The following KLHL1 variants were observed in gnomAD, a reference collection of about 807,000 sequenced individuals.
KLHL1 encodes kelch like family member 1, also known as kelch-like protein 1.
KLHL1 carries 47 observed loss-of-function variants against 77.7 expected under a neutral mutation model. The ratio of observed to expected loss-of-function variants is 0.60; its 90% confidence interval spans 0.48 to 0.77. The LOEUF (loss-of-function observed/expected upper bound fraction) is 0.77, where lower values mean the gene tolerates loss of function less well. KLHL1 is among the 30% of genes least tolerant of loss of function. The pLI, the probability that KLHL1 is intolerant of heterozygous loss-of-function variation, is 0.00. For missense variants in KLHL1, 925 were observed against 910.8 expected, an observed-to-expected ratio of 1.02 and a Z score of -0.20; for synonymous variants, 360 against 325.2, an observed-to-expected ratio of 1.11 and a Z score of -1.15.
At chr13:69,803,724 C>A (rs955730124) in intron 6 of KLHL1, among the ~76,000 whole-genome samples, 6 of 152,110 alleles carry the variant, frequency 3.9e-5, no homozygotes, top group Non-Finnish European at 5.9e-5. Flanking sequence ...GAAGCATGAG[C>A]AGGACTTGAC....
chr13:70,100,628 T>C (rs1008335468), intron 1 of KLHL1, among the ~76,000 whole-genome samples: 1 of 152,198 alleles, frequency 6.6e-6, no homozygotes, highest in Non-Finnish European at 1.5e-5. Context: ...GCCTTTTTAG[T>C]GCAACAGGAT....
chr13:69,817,808 G>T (rs778720790), intron 6 of KLHL1, among the ~76,000 whole-genome samples: 1 of 152,110 alleles, frequency 6.6e-6, no homozygotes, highest in Non-Finnish European at 1.5e-5. Context: ...GAGTACTCAA[G>T]AATTTATAAT....
Position 69,723,840 on chromosome 13 carries a change from A to ATTTTTTT in KLHL1, c.1803-4266_1803-4260dup, listed in dbSNP as rs746350927. Among the ~76,000 whole-genome samples the ATTTTTTT allele has an allele frequency of 2.9e-3, 169 of 58,316 alleles. 2 individuals are homozygous for ATTTTTTT. Among genetic ancestry groups the ATTTTTTT allele is most frequent in the East Asian group, 7.4e-3 (1 of 136 alleles). 38.3% of individuals were successfully genotyped at this position (58,316 alleles called of 152,430 possible). A position where few individuals can be genotyped will look rare whatever the true frequency, so the allele number is the denominator to read the frequency against. On this transcript the variant is annotated intron_variant, in intron 8 of 10. Coordinates refer to ENST00000377844, the MANE Select transcript of KLHL1 (RefSeq NM_020866.3). ...CTCTTTCAGCCAGTTGCCAGTCAGA[A>ATTTTTTT]TTTTTTTTTTTTTTTTTTCTGAGAC...
intron 1 of KLHL1, among the ~76,000 whole-genome samples, chr13:70,015,620 G>T (rs145872706): frequency 1.8e-4 from 27 of 152,136 alleles, no homozygotes; most frequent in African/African-American, 6.0e-4. Context: ...ATGAGATGTT[G>T]AATATTTTAT....
intron 4 of KLHL1, among the ~76,000 whole-genome samples, chr13:69,919,083 C>T (rs1416603143): frequency 6.6e-6 from 1 of 151,964 alleles, no homozygotes; most frequent in African/African-American, 2.4e-5. Flanking sequence ...CCTTGTCTAA[C>T]ACCATAATGG....
At chr13:69,941,949 T>C (rs932431748) in intron 3 of KLHL1, among the ~76,000 whole-genome samples, 1 of 151,784 alleles carries the variant, frequency 6.6e-6, no homozygotes, top group African/African-American at 2.4e-5. Context: ...AGTACTTAGA[T>C]TGAAACAGTA....
At chr13:69,840,446 A>C (rs1197312037) in intron 5 of KLHL1, among the ~76,000 whole-genome samples, 4 of 151,650 alleles carry the variant, frequency 2.6e-5, no homozygotes, top group African/African-American at 9.7e-5. Flanking sequence ...CTAGTCTCGA[A>C]CTCCTGACCT....
intron 1 of KLHL1, among the ~76,000 whole-genome samples, chr13:70,009,211 C>T (rs983349235): frequency 6.6e-5 from 10 of 151,970 alleles, no homozygotes; most frequent in African/African-American, 2.2e-4. Context: ...ACAACAGTGT[C>T]GTAGTGCTTT....
At chr13:69,784,573 C>G (rs1876410375) in intron 7 of KLHL1, among the ~76,000 whole-genome samples, 1 of 151,282 alleles carries the variant, frequency 6.6e-6, no homozygotes, top group Non-Finnish European at 1.5e-5. Flanking sequence ...CAACAAAGAT[C>G]AAAAGAGACA....
At chr13:69,902,870 C>T (rs142117483) in intron 4 of KLHL1, among the ~76,000 whole-genome samples, 2,428 of 151,982 alleles carry the variant, frequency 0.016, 69 homozygotes, top group African/African-American at 0.055. Context: ...CTAACCTGCA[C>T]GTTGTGCACA....
intron 6 of KLHL1, among the ~76,000 whole-genome samples, chr13:69,813,637 C>T (rs538316299): frequency 3.3e-5 from 5 of 151,824 alleles, no homozygotes; most frequent in Non-Finnish European, 7.4e-5. Flanking sequence ...ATCAAGAATC[C>T]CATCTCATTT....
chr13:69,705,816 T>A (rs1566350362), intron 10 of KLHL1, among the ~76,000 whole-genome samples: 1 of 151,736 alleles, frequency 6.6e-6, no homozygotes, highest in Non-Finnish European at 1.5e-5. Context: ...GAAAATGATC[T>A]TTAGGAGTCT....
chr13:69,841,020 C>A (rs1879238391), intron 5 of KLHL1, among the ~76,000 whole-genome samples: 1 of 151,786 alleles, frequency 6.6e-6, no homozygotes, highest in Admixed American at 6.6e-5. Flanking sequence ...TTTTTCTTCT[C>A]TCCTTTTCAC....
chr13:69,999,656 G>A (rs1159246454), intron 1 of KLHL1, among the ~76,000 whole-genome samples: 4 of 151,990 alleles, frequency 2.6e-5, no homozygotes, highest in Non-Finnish European at 4.4e-5. Context: ...GAGACTGACT[G>A]GGATGGCACC....
chr13:70,084,288 A>G (rs1887466175), intron 1 of KLHL1, among the ~76,000 whole-genome samples: 1 of 152,158 alleles, frequency 6.6e-6, no homozygotes, highest in African/African-American at 2.4e-5. Context: ...CTTTATAACT[A>G]TACCCAGCAT....
At chr13:69,779,678 T>A (rs947855773) in intron 7 of KLHL1, among the ~76,000 whole-genome samples, 2 of 152,086 alleles carry the variant, frequency 1.3e-5, no homozygotes, top group Non-Finnish European at 2.9e-5. Flanking sequence ...TCTGCCTTAG[T>A]AGTAAGAAAT....
At chr13:69,882,649 G>T (rs57681164) in intron 4 of KLHL1, among the ~76,000 whole-genome samples, 154 bp from the exon 5 acceptor site, 1,631 of 152,294 alleles carry the variant, frequency 0.011, 24 homozygotes, top group African/African-American at 0.037. Context: ...CTGTTAAGAT[G>T]AAAGCATTGT....
chr13:69,768,347 A>G (rs925480775), intron 7 of KLHL1, among the ~76,000 whole-genome samples: 7 of 152,196 alleles, frequency 4.6e-5, no homozygotes, highest in Non-Finnish European at 1.0e-4. Context: ...CATTACACAA[A>G]GCTTCTACAG....
intron 4 of KLHL1, among the ~76,000 whole-genome samples, chr13:69,929,335 C>T (rs1446255555): frequency 6.6e-6 from 1 of 151,908 alleles, no homozygotes; most frequent in South Asian, 2.1e-4. Flanking sequence ...GTATTGAAAT[C>T]TCAAACGCCT....
Sources: allele counts gnomAD v4.1 joint callset (sites outside exome capture counted in the v4.1 genomes callset), GRCh38; gene constraint gnomAD v4.1.1; transcripts MANE v1.5; gene names NCBI Gene and HGNC (gene_info 2026-07-23, HGNC 2026-07-21).